SPRED2: variants seen among roughly 807,000 people sequenced by gnomAD.
SPRED2 encodes sprouty related EVH1 domain containing 2.
Under a neutral mutation model 43.0 loss-of-function variants are expected in SPRED2, and 47 were observed. The ratio of observed to expected loss-of-function variants is 1.09; its 90% CI spans 0.87 to 1.40. The LOEUF is 1.40. Ranked by LOEUF, SPRED2 falls within the 40% of genes most tolerant of loss-of-function variation. The pLI is 0.00. For missense variants in SPRED2, 561 were observed against 586.4 expected (o/e 0.96, Z 0.45); for synonymous variants, 225 against 225.7 (o/e 1.00, Z 0.03).
chr2:65,392,185 T>TC (rs1437918047), intron 1 of SPRED2, among the ~76,000 whole-genome samples: 1 of 148,614 alleles, frequency 6.7e-6, no homozygotes, highest in African/African-American at 2.5e-5. Flanking sequence ...CTTTTTTTTT[T>TC]TTTTTTTTTT....
chr2:65,373,726 CTTTTCT>C (rs1315167204), intron 1 of SPRED2: 1 of 152,202 alleles, frequency 6.6e-6, no homozygotes, highest in South Asian at 2.1e-4. Flanking sequence ...TTCTCTAGGT[CTTTTCT>C]TTTTCATTTT....
intron 4 of SPRED2, among the ~76,000 whole-genome samples, chr2:65,322,450 C>T (rs1206580430): frequency 6.6e-6 from 1 of 151,648 alleles, no homozygotes; most frequent in Non-Finnish European, 1.5e-5. Context: ...CTTGCCACCA[C>T]ACCCGGCTAA....
At chr2:65,386,949 G>A (rs71424176) in intron 1 of SPRED2, among the ~76,000 whole-genome samples, 3,750 of 150,692 alleles carry the variant, frequency 0.025, 73 homozygotes, top group Non-Finnish European at 0.039. Context: ...GAACTCACAC[G>A]GATGAACAGT....
At chr2:65,333,511 GA>G (rs1240985341) in intron 3 of SPRED2, among the ~76,000 whole-genome samples, 1 of 152,092 alleles carries the variant, frequency 6.6e-6, no homozygotes, top group Non-Finnish European at 1.5e-5. Context: ...TGTATATAGA[GA>G]AAAAAATTAC....
At chr2:65,431,051 C>T (rs1676672768) in intron 1 of SPRED2, among the ~76,000 whole-genome samples, 1 of 152,022 alleles carries the variant, frequency 6.6e-6, no homozygotes, top group Non-Finnish European at 1.5e-5. Context: ...GACCCCTGGA[C>T]CGCGAGGCAG....
At chr2:65,350,345 G>T (rs1674472843) in intron 1 of SPRED2, among the ~76,000 whole-genome samples, 2 of 152,270 alleles carry the variant, frequency 1.3e-5, no homozygotes, top group Admixed American at 6.5e-5. Flanking sequence ...CATTTTAAAA[G>T]AATGCTTCTG....
At chr2:65,401,376 A>AC (rs984930069) in intron 1 of SPRED2, among the ~76,000 whole-genome samples, 7 of 151,326 alleles carry the variant, frequency 4.6e-5, no homozygotes, top group Non-Finnish European at 7.4e-5. Context: ...TAGCAAGAAG[A>AC]CCCCCCCAGG....
Position 65,339,105 on chromosome 2 carries a change from G to C in SPRED2, c.205-4332C>G, listed in dbSNP as rs113850398. On this transcript the variant is annotated intron_variant, in intron 2 of 5. Coordinates refer to ENST00000356388, the MANE Select transcript of SPRED2 (RefSeq NM_181784.3). ...CCGTCCGGGAGGGAGGTTGGGCGGG[G>C]GGTCAGCGCCCCCTCCCGGCCAGCC... Among the ~76,000 whole-genome samples the C allele has an allele frequency of 1.2e-3, 130 of 105,500 alleles. 14 individuals are homozygous for C. Among genetic ancestry groups the C allele is most frequent in the South Asian group, 1.7e-3 (5 of 2,934 alleles). 69.2% of individuals were successfully genotyped at this position (105,500 alleles called of 152,430 possible). A position where few individuals can be genotyped will look rare whatever the true frequency, so the allele number is the denominator to read the frequency against.
intron 1 of SPRED2, among the ~76,000 whole-genome samples, chr2:65,418,913 A>C (rs1051258631): frequency 6.6e-6 from 1 of 152,156 alleles, no homozygotes; most frequent in Non-Finnish European, 1.5e-5. Flanking sequence ...ATAAGTAAGA[A>C]TAAAAGTCTT....
intron 1 of SPRED2, among the ~76,000 whole-genome samples, chr2:65,346,551 A>G (rs1194577118): frequency 1.3e-5 from 2 of 151,818 alleles, no homozygotes; most frequent in African/African-American, 4.8e-5. Flanking sequence ...CCTGGCACCC[A>G]CCATTCTACT....
chr2:65,390,154 G>T (rs1453336710), intron 1 of SPRED2, among the ~76,000 whole-genome samples: 1 of 152,192 alleles, frequency 6.6e-6, no homozygotes, highest in African/African-American at 2.4e-5. Context: ...TCACCTTTCT[G>T]AGAGGAAGGT....
chr2:65,392,920 C>T (rs756519889), intron 1 of SPRED2, among the ~76,000 whole-genome samples: 12 of 152,200 alleles, frequency 7.9e-5, no homozygotes, highest in African/African-American at 2.2e-4. Context: ...TGGACCAGCA[C>T]GGGACCATGG....
intron 1 of SPRED2, among the ~76,000 whole-genome samples, chr2:65,411,894 G>A (rs1239418499): frequency 2.0e-5 from 3 of 152,072 alleles, no homozygotes; most frequent in Non-Finnish European, 2.9e-5. Flanking sequence ...TTTGGGGGCC[G>A]AGGCAGGCGG....
At chr2:65,405,726 G>A (rs1676009143) in intron 1 of SPRED2, among the ~76,000 whole-genome samples, 2 of 152,114 alleles carry the variant, frequency 1.3e-5, no homozygotes, top group African/African-American at 4.8e-5. Flanking sequence ...ACAATGTTCA[G>A]ACATTTGGTT....
intron 2 of SPRED2, among the ~76,000 whole-genome samples, chr2:65,340,457 C>T (rs1249234520): frequency 6.6e-6 from 1 of 152,196 alleles, no homozygotes. Context: ...GCTCGCTGAC[C>T]TACACATGGG....
intron 1 of SPRED2, among the ~76,000 whole-genome samples, chr2:65,382,831 G>T (rs1479285913): frequency 6.6e-6 from 1 of 152,130 alleles, no homozygotes; most frequent in Admixed American, 6.5e-5. Flanking sequence ...CAACAGCCCA[G>T]GTGGCAAGGA....
At chr2:65,417,635 T>C (rs975966321) in intron 1 of SPRED2, among the ~76,000 whole-genome samples, 1 of 152,188 alleles carries the variant, frequency 6.6e-6, no homozygotes, top group Non-Finnish European at 1.5e-5. Context: ...GCAGTTGTCA[T>C]GAATGTTTAA....
intron 1 of SPRED2, among the ~76,000 whole-genome samples, chr2:65,414,123 A>C (rs555078746): frequency 6.6e-6 from 1 of 152,354 alleles, no homozygotes; most frequent in South Asian, 2.1e-4. Flanking sequence ...AAAATTAAAA[A>C]GGTGGGAGGC....
chr2:65,377,465 C>A, intron 1 of SPRED2: 1 of 400,908 alleles, frequency 2.5e-6, no homozygotes, highest in South Asian at 1.8e-5. Flanking sequence ...CCTCCTCTTG[C>A]CGACCCCCCA....
Sources: allele counts gnomAD v4.1 joint callset (sites outside exome capture counted in the v4.1 genomes callset), GRCh38; gene constraint gnomAD v4.1.1; transcripts MANE v1.5; gene names NCBI Gene and HGNC (gene_info 2026-07-23, HGNC 2026-07-21).